SHB: variants seen among roughly 807,000 people sequenced by gnomAD.
The protein encoded by SHB is SH2 domain-containing adapter protein B.
Under a neutral mutation model 52.3 loss-of-function variants are expected in SHB, and 20 were observed. That is an observed-to-expected ratio of 0.38 (90% CI 0.27 to 0.56). The LOEUF (loss-of-function observed/expected upper bound fraction) is 0.56. Ranked by LOEUF, SHB falls within the 20% of genes least tolerant of loss-of-function variation. The probability of loss-of-function intolerance (pLI) is 0.71; values close to 1 mark genes in which losing one functional copy is unlikely to be tolerated. For synonymous variants in SHB, 397 were observed against 316.5 expected (o/e 1.25, Z -2.70); for missense variants, 825 against 723.3 (o/e 1.14, Z -1.61).
chr9:38,007,055 G>A (rs776549175), intron 2 of SHB, among the ~76,000 whole-genome samples: 2 of 152,224 alleles, frequency 1.3e-5, no homozygotes, highest in Non-Finnish European at 2.9e-5. Flanking sequence ...TCACTCAACT[G>A]TTAACTCCAT....
intron 5 of SHB, among the ~76,000 whole-genome samples, chr9:37,938,935 T>G (rs1228792758): frequency 1.3e-5 from 2 of 152,170 alleles, no homozygotes; most frequent in Non-Finnish European, 2.9e-5. Context: ...TCTGTTTTCC[T>G]GGTCTTTTCC....
intron 1 of SHB, among the ~76,000 whole-genome samples, chr9:38,042,931 G>A (rs929758468): frequency 1.3e-5 from 2 of 152,142 alleles, no homozygotes; most frequent in Non-Finnish European, 2.9e-5. Context: ...TCTAGGAGCT[G>A]CTCAAACTCC....
At chr9:38,048,508 C>T (rs558108811) in intron 1 of SHB, among the ~76,000 whole-genome samples, 1 of 152,192 alleles carries the variant, frequency 6.6e-6, no homozygotes, top group Non-Finnish European at 1.5e-5. Flanking sequence ...GTGGTGAGTG[C>T]CTGTAGTCCC....
intron 4 of SHB, among the ~76,000 whole-genome samples, chr9:37,951,957 G>T (rs1368942512): frequency 6.6e-6 from 1 of 152,210 alleles, no homozygotes; most frequent in Non-Finnish European, 1.5e-5. Flanking sequence ...CCTGGAAAGA[G>T]AATCCAGGCA....
At chr9:38,057,747 C>T (rs953466375) in intron 1 of SHB, among the ~76,000 whole-genome samples, 3 of 152,214 alleles carry the variant, frequency 2.0e-5, no homozygotes, top group African/African-American at 7.2e-5. Context: ...AGAATTTAGC[C>T]GTGGCCTGGA....
chr9:37,988,634 G>C (rs562250206), intron 2 of SHB, among the ~76,000 whole-genome samples: 1 of 152,250 alleles, frequency 6.6e-6, no homozygotes, highest in Non-Finnish European at 1.5e-5. Flanking sequence ...TCCTGCCTGG[G>C]ATGGTTCTTT....
intron 2 of SHB, among the ~76,000 whole-genome samples, chr9:38,012,276 G>T (rs1405831843): frequency 2.0e-5 from 3 of 152,192 alleles, no homozygotes. Context: ...GCCCTGGAAA[G>T]AATGCTCCAC....
chr9:38,003,884 G>A lies in SHB; in HGVS notation c.838+12127C>T, dbSNP rs945410628. 9.2e-5 allele frequency among the ~76,000 whole-genome samples: 14 copies of A among 152,326 alleles called. 1 individual carries two copies. The highest frequency in any genetic ancestry group is 4.1e-4 in the South Asian group (2 of 4,830). On this transcript the variant is annotated intron_variant, in intron 2 of 5. Transcript: ENST00000377707. ...GGAAGGGAGGATGCTGTCGCCCACCGGCTGGTTCCCAATTGTGTGGGGTGG... is the reference window on the plus strand; with the variant it reads ...GGAAGGGAGGATGCTGTCGCCCACCAGCTGGTTCCCAATTGTGTGGGGTGG...
intron 1 of SHB, among the ~76,000 whole-genome samples, chr9:38,022,221 G>A (rs184819699): frequency 2.6e-4 from 39 of 152,312 alleles, no homozygotes; most frequent in Admixed American, 2.3e-3. Flanking sequence ...GTGTTGTTGA[G>A]CACATCATAG....
At chr9:38,044,811 G>T (rs1242960875) in intron 1 of SHB, among the ~76,000 whole-genome samples, 1 of 152,214 alleles carries the variant, frequency 6.6e-6, no homozygotes, top group Non-Finnish European at 1.5e-5. Context: ...AAGCACTCCT[G>T]CATCCACTCT....
intron 5 of SHB, among the ~76,000 whole-genome samples, chr9:37,929,539 TG>T (rs1463940430): frequency 6.6e-6 from 1 of 152,198 alleles, no homozygotes; most frequent in Non-Finnish European, 1.5e-5. Context: ...CTGTGCTGTC[TG>T]GGCTGAGCAC....
chr9:38,043,617 C>T (rs969343518), intron 1 of SHB, among the ~76,000 whole-genome samples: 7 of 152,180 alleles, frequency 4.6e-5, no homozygotes, highest in African/African-American at 1.7e-4. Context: ...TGGCCGGGTG[C>T]AGTGGCTCAC....
chr9:37,916,606 C>T lies in SHB; in HGVS notation c.*3215G>A, dbSNP rs181531003. Among the ~76,000 whole-genome samples the T allele has an allele frequency of 3.1e-4, 47 of 152,364 alleles. No individual in the cohort carries two copies. Among genetic ancestry groups the T allele is most frequent in the Admixed American group, 2.8e-3 (43 of 15,312 alleles). Reference sequence around the variant, plus strand: ...CCACAGAGGGGCCCCGGCCCACAGCCGCCCTGTGAGGACAGGGCCTGCCTC... The same window carrying T: ...CCACAGAGGGGCCCCGGCCCACAGCTGCCCTGTGAGGACAGGGCCTGCCTC... On this transcript the variant is annotated 3_prime_UTR_variant, in exon 6 of 6. Transcript: ENST00000377707.
Position 38,057,022 on chromosome 9 carries a change from C to T in SHB, c.717+10907G>A, listed in dbSNP as rs114302360. On this transcript the variant is annotated intron_variant, in intron 1 of 5. Transcript: ENST00000377707. ...GTCAACTTGTAAGGTCTTTCTAGAA[C>T]ACAATTTGAAAGTATGTATCAGACT... Among the ~76,000 whole-genome samples, 1,262 of 152,274 alleles carry T rather than the reference C, an allele frequency of 8.3e-3. 14 individuals carry two copies. The highest frequency in any genetic ancestry group is 0.028 in the African/African-American group (1,157 of 41,534).
chr9:38,015,487 T>C (rs1419948687), intron 2 of SHB: 3 of 702,722 alleles, frequency 4.3e-6, no homozygotes, highest in East Asian at 5.4e-5. Context: ...AAACCTGTCA[T>C]GTAGACCAGG....
At chr9:37,955,792 C>A in intron 4 of SHB, 91 bp downstream of exon 4, 1 of 1,293,552 alleles carries the variant, frequency 7.7e-7, no homozygotes, top group South Asian at 1.4e-5. Context: ...CCGGCCCAGT[C>A]TGTGGATTTT....
At chr9:38,066,006 A>C (rs781226639) in intron 1 of SHB, among the ~76,000 whole-genome samples, 1 of 152,138 alleles carries the variant, frequency 6.6e-6, no homozygotes, top group African/African-American at 2.4e-5. Context: ...CTGTAACACG[A>C]GGTCTCATCA....
chr9:37,941,612 C>T (rs1832434824), intron 5 of SHB, among the ~76,000 whole-genome samples: 1 of 152,248 alleles, frequency 6.6e-6, no homozygotes, highest in Non-Finnish European at 1.5e-5. Flanking sequence ...GAGCTGCACA[C>T]ACCTGCCTTC....
intron 3 of SHB, 91 bp from the exon 4 acceptor site, chr9:37,956,145 T>A: frequency 2.4e-6 from 3 of 1,239,846 alleles, no homozygotes; most frequent in Non-Finnish European, 3.4e-6. Flanking sequence ...GCTGGTCTAG[T>A]TGGCAATTTA....
Sources: gnomAD v4.1 joint callset for allele counts (sites outside exome capture counted in the v4.1 genomes callset) on GRCh38, gnomAD v4.1.1 for gene constraint, MANE v1.5 for transcripts, NCBI Gene and HGNC (gene_info 2026-07-23, HGNC 2026-07-21) for gene names.